The following SLMAP variants were observed in gnomAD, a reference collection of about 807,000 sequenced individuals.
SLMAP encodes sarcolemma associated protein, also known as sarcolemmal membrane-associated protein.
SLMAP carries 44 observed loss-of-function variants against 128.8 expected under a neutral mutation model. The ratio of observed to expected loss-of-function variants is 0.34; its 90% confidence interval spans 0.27 to 0.44. The LOEUF (loss-of-function observed/expected upper bound fraction) is 0.44. SLMAP is among the 20% of genes least tolerant of loss of function. The probability of loss-of-function intolerance (pLI) is 1.00; values close to 1 mark genes in which losing one functional copy is unlikely to be tolerated. For synonymous variants in SLMAP, 327 were observed against 348.8 expected, an observed-to-expected ratio of 0.94 and a Z score of 0.70; for missense variants, 787 against 985.3, an observed-to-expected ratio of 0.80 and a Z score of 2.69.
chr3:57,888,013 A>G (rs2095946223), intron 14 of SLMAP, among the ~76,000 whole-genome samples: 1 of 152,226 alleles, frequency 6.6e-6, no homozygotes, highest in Non-Finnish European at 1.5e-5. Flanking sequence ...GTAGAATGCT[A>G]ACATTTTCAG....
chr3:57,797,329 A>G (rs1560022342), intron 2 of SLMAP, among the ~76,000 whole-genome samples: 1 of 152,026 alleles, frequency 6.6e-6, no homozygotes, highest in Admixed American at 6.6e-5. Context: ...TACTAAAAAT[A>G]CAAAATTAGC....
chr3:57,833,639 C>T (rs959997047), intron 3 of SLMAP, among the ~76,000 whole-genome samples: 8 of 152,004 alleles, frequency 5.3e-5, no homozygotes, highest in South Asian at 2.1e-4. Flanking sequence ...AGGATGGTCT[C>T]GTTCTCTTGA....
chr3:57,885,929 G>T (rs1229795365), intron 14 of SLMAP, among the ~76,000 whole-genome samples: 1 of 149,210 alleles, frequency 6.7e-6, no homozygotes, highest in African/African-American at 2.5e-5. Flanking sequence ...GATTACAGGC[G>T]TGCATCACCA....
chr3:57,786,195 A>G (rs1267109575), intron 2 of SLMAP, among the ~76,000 whole-genome samples: 2 of 152,180 alleles, frequency 1.3e-5, no homozygotes, highest in African/African-American at 4.8e-5. Context: ...TTATAGCAGC[A>G]AAGATTTATT....
At chr3:57,926,008 A>G in intron 24 of SLMAP, 74 bp downstream of exon 24, 1 of 1,052,458 alleles carries the variant, frequency 9.5e-7, no homozygotes, top group South Asian at 1.4e-5. Context: ...AATATAGTGC[A>G]TGGCAAGAAC....
At chr3:57,835,077 G>A (rs145501934) in intron 3 of SLMAP, among the ~76,000 whole-genome samples, 608 of 124,108 alleles carry the variant, frequency 4.9e-3, no homozygotes, top group African/African-American at 0.018. Context: ...AGCCATGACC[G>A]CACCACTGCA....
intron 2 of SLMAP, among the ~76,000 whole-genome samples, chr3:57,786,878 C>T (rs1414571578): frequency 2.6e-5 from 4 of 151,920 alleles, no homozygotes; most frequent in Admixed American, 6.6e-5. Flanking sequence ...GGACTACAGG[C>T]GCCTGCCATC....
At chr3:57,839,555 C>T (rs2093820111) in intron 3 of SLMAP, among the ~76,000 whole-genome samples, 1 of 150,850 alleles carries the variant, frequency 6.6e-6, no homozygotes, top group South Asian at 2.1e-4. Context: ...GTTCTGCTGG[C>T]CTCAGCCTCC....
At chr3:57,796,123 ACT>A (rs1444254870) in intron 2 of SLMAP, among the ~76,000 whole-genome samples, 19 of 152,000 alleles carry the variant, frequency 1.3e-4, no homozygotes, top group African/African-American at 4.6e-4. Flanking sequence ...CATTTTGAGT[ACT>A]CTCTTACTTG....
chr3:57,831,278 TTC>T lies in SLMAP; in HGVS notation c.199-104_199-103del, dbSNP rs1478396610. Reference sequence around the variant, plus strand: ...GTGGTTTGAATTAATAGGGGAAAAATTCACTTGCAATAGTTGGCAAAGCTGGA... The same window carrying T: ...GTGGTTTGAATTAATAGGGGAAAAATACTTGCAATAGTTGGCAAAGCTGGA... On this transcript the variant is annotated intron_variant, in intron 2 of 24. Coordinates refer to ENST00000671191, the MANE Select transcript of SLMAP (RefSeq NM_001377540.1). 2,724 of 734,906 alleles carry T rather than the reference TTC, an allele frequency of 3.7e-3. 40 individuals carry two copies. In the African/African-American group the frequency reaches 0.045, roughly 12 times the overall value. 45.5% of individuals were successfully genotyped at this position (734,906 alleles called of 1,614,324 possible).
intron 14 of SLMAP, among the ~76,000 whole-genome samples, chr3:57,885,806 CAG>C (rs1482956217): frequency 1.4e-5 from 1 of 73,594 alleles, no homozygotes; most frequent in Admixed American, 2.0e-4. Context: ...TTTTTTGAGA[CAG>C]AGTCTTGCTC....
At chr3:57,886,763 A>G in intron 14 of SLMAP, among the ~76,000 whole-genome samples, 1 of 151,566 alleles carries the variant, frequency 6.6e-6, no homozygotes, top group East Asian at 1.9e-4. Flanking sequence ...TATAAACTGA[A>G]AAAAAAAATG....
intron 22 of SLMAP, among the ~76,000 whole-genome samples, chr3:57,919,119 G>A (rs1002967190): frequency 2.0e-5 from 3 of 152,122 alleles, no homozygotes; most frequent in East Asian, 3.9e-4. Context: ...CGTGGCTCAC[G>A]CCTGTAATCC....
intron 14 of SLMAP, among the ~76,000 whole-genome samples, chr3:57,875,422 G>A (rs1310913497): frequency 6.6e-6 from 1 of 152,212 alleles, no homozygotes; most frequent in African/African-American, 2.4e-5. Context: ...GTCTGAAGCA[G>A]GAGGATCGCT....
intron 14 of SLMAP, among the ~76,000 whole-genome samples, chr3:57,876,232 T>C (rs2095600791): frequency 6.6e-6 from 1 of 152,362 alleles, no homozygotes; most frequent in East Asian, 1.9e-4. Flanking sequence ...TCAGTTTATG[T>C]GTATGAATCT....
intron 8 of SLMAP, among the ~76,000 whole-genome samples, chr3:57,858,444 T>A (rs77989860): frequency 0.011 from 1,604 of 152,322 alleles, 19 homozygotes; most frequent in Non-Finnish European, 0.018. Flanking sequence ...TTTAAACATT[T>A]TTTAGCTCCC....
Position 57,927,449 on chromosome 3 carries a change from G to T in SLMAP, c.*160G>T, listed in dbSNP as rs1224812739. 13 of 995,384 alleles carry T rather than the reference G, an allele frequency of 1.3e-5. No individual in the cohort carries two copies. Among genetic ancestry groups the T allele is most frequent in the Non-Finnish European group, 1.7e-5 (11 of 665,342 alleles). The allele number at this position is 995,384 out of a possible 1,614,324, so 61.7% of individuals were successfully genotyped here. On this transcript the variant is annotated 3_prime_UTR_variant, in exon 25 of 25. Coordinates refer to ENST00000671191, the MANE Select transcript of SLMAP (RefSeq NM_001377540.1). ...AGAAGCTGGCATCACACTCATGCTG[G>T]GGACAAACAGAACCATTTTCTTCCT...
At chr3:57,766,094 G>A (rs1353079845) in intron 2 of SLMAP, among the ~76,000 whole-genome samples, 1 of 148,544 alleles carries the variant, frequency 6.7e-6, no homozygotes, top group Non-Finnish European at 1.5e-5. Flanking sequence ...CGCCTCCCGG[G>A]TTCACGCCAT....
At chr3:57,786,528 A>G (rs914968047) in intron 2 of SLMAP, among the ~76,000 whole-genome samples, 8 of 151,714 alleles carry the variant, frequency 5.3e-5, no homozygotes, top group African/African-American at 1.9e-4. Flanking sequence ...TTCGTTCCCA[A>G]CTTCCCAAGT....
Sources: gnomAD v4.1 joint callset for allele counts (sites outside exome capture counted in the v4.1 genomes callset) on GRCh38, gnomAD v4.1.1 for gene constraint, MANE v1.5 for transcripts, NCBI Gene and HGNC (gene_info 2026-07-23, HGNC 2026-07-21) for gene names.